Variants in INPP5A observed in about 807,000 individuals in gnomAD.
The protein encoded by INPP5A is 43 kDa inositol polyphosphate 5-phophatase.
Under a neutral mutation model 65.2 loss-of-function variants are expected in INPP5A, and 14 were observed. That is an observed-to-expected ratio of 0.21 (90% CI 0.14 to 0.34). The LOEUF (loss-of-function observed/expected upper bound fraction) is 0.34. INPP5A is among the 10% of genes least tolerant of loss of function. The pLI is 1.00. For synonymous variants in INPP5A, 207 were observed against 208.3 expected (o/e 0.99, Z 0.05); for missense variants, 431 against 545.6 (o/e 0.79, Z 2.09).
chr10:132,782,500 A>G lies in INPP5A; in HGVS notation c.*471A>G, dbSNP rs2134701956. ...CGGCAGCGTGGCCCTGAGCATGGCA[A>G]GGGGGTCTGTCTCTGCCGATGCTCC... On this transcript the variant is annotated 3_prime_UTR_variant, in exon 16 of 16. Coordinates refer to ENST00000368594, the MANE Select transcript of INPP5A (RefSeq NM_005539.5). The surrounding 1 kb of genome is among the most constrained non-coding windows in gnomAD (Gnocchi z 4.4). The G allele has an allele frequency of 5.3e-6, 1 of 187,052 alleles. No homozygotes were observed. Among genetic ancestry groups the G allele is most frequent in the Admixed American group, 5.3e-5 (1 of 18,720 alleles). The allele number at this position is 187,052 out of a possible 1,614,324, so 11.6% of individuals were successfully genotyped here. A position where few individuals can be genotyped will look rare whatever the true frequency, so the allele number is the denominator to read the frequency against.
chr10:132,771,933 GGGAC>G (rs1454883400), intron 12 of INPP5A, among the ~76,000 whole-genome samples: 1 of 24,434 alleles, frequency 4.1e-5, no homozygotes, highest in African/African-American at 2.4e-4. Flanking sequence ...GATGAAGAGT[GGGAC>G]GGACACTCAG....
intron 11 of INPP5A, among the ~76,000 whole-genome samples, chr10:132,757,867 C>T (rs1229301911): frequency 6.7e-6 from 1 of 148,928 alleles, no homozygotes; most frequent in Non-Finnish European, 1.5e-5. Flanking sequence ...CCCCACAACA[C>T]AGTGCCGTGG....
intron 8 of INPP5A, among the ~76,000 whole-genome samples, chr10:132,721,232 T>TCTGTGGTGC (rs1218482733): frequency 6.7e-6 from 1 of 150,092 alleles, no homozygotes; most frequent in Non-Finnish European, 1.5e-5. Context: ...TCTTCAGGGT[T>TCTGTGGTGC]CTGTGGTGCC....
chr10:132,555,179 T>G lies in INPP5A; in HGVS notation c.75+17008T>G, dbSNP rs1590825386. On this transcript the variant is annotated intron_variant, in intron 1 of 15. Coordinates refer to ENST00000368594, the MANE Select transcript of INPP5A (RefSeq NM_005539.5). This position sits in a 1 kb window ranked among gnomAD's most constrained non-coding sequence, Gnocchi z 4.4. ...TAGATGGCATGGTGGGGTGGGGGGGTGTGGATGGCAAGCGGCAGGACCAGG... is the reference window on the plus strand; with the variant it reads ...TAGATGGCATGGTGGGGTGGGGGGGGGTGGATGGCAAGCGGCAGGACCAGG... Among the ~76,000 whole-genome samples the G allele has an allele frequency of 3.5e-5, 5 of 140,990 alleles. No homozygotes were observed. The highest frequency in any genetic ancestry group is 2.2e-4 in the East Asian group (1 of 4,462). 92.5% of individuals were successfully genotyped at this position (140,990 alleles called of 152,430 possible).
chr10:132,638,922 A>C (rs1032343710), intron 2 of INPP5A, among the ~76,000 whole-genome samples: 1 of 152,140 alleles, frequency 6.6e-6, no homozygotes, highest in Non-Finnish European at 1.5e-5. Context: ...TTTTCTCTCT[A>C]TATAAGTTAC....
At chr10:132,700,278 C>T (rs1845416185) in intron 6 of INPP5A, among the ~76,000 whole-genome samples, 3 of 152,224 alleles carry the variant, frequency 2.0e-5, no homozygotes, top group South Asian at 2.1e-4. Flanking sequence ...TCGCTGTCTG[C>T]GGCCTGGTGG....
intron 12 of INPP5A, among the ~76,000 whole-genome samples, chr10:132,772,450 A>T (rs113782644): frequency 8.7e-6 from 1 of 114,562 alleles, no homozygotes; most frequent in African/African-American, 3.1e-5. Context: ...CACAGAGGCC[A>T]CGGCAGCCAC....
At chr10:132,733,496 A>G (rs1002219244) in intron 9 of INPP5A, among the ~76,000 whole-genome samples, 2 of 152,236 alleles carry the variant, frequency 1.3e-5, no homozygotes, top group African/African-American at 2.4e-5. Flanking sequence ...ATTTTAAAAT[A>G]CCATCCAAGC....
Position 132,546,920 on chromosome 10 carries a change from C to T in INPP5A, c.75+8749C>T, listed in dbSNP as rs541126345. On this transcript the variant is annotated intron_variant, in intron 1 of 15. Coordinates refer to ENST00000368594, the MANE Select transcript of INPP5A (RefSeq NM_005539.5). This position sits in a 1 kb window ranked among gnomAD's most constrained non-coding sequence, Gnocchi z 5.7. ...AGACTCTGTTTCCTGCTCAGCAGAG[C>T]CCAGGCCTGGCCCTGGTTAGCAGGC... Among the ~76,000 whole-genome samples the T allele has an allele frequency of 1.1e-3, 162 of 152,330 alleles. 1 individual carries two copies. Among genetic ancestry groups the T allele is most frequent in the African/African-American group, 3.7e-3 (153 of 41,566 alleles).
chr10:132,733,345 T>C (rs1052701170), intron 9 of INPP5A, among the ~76,000 whole-genome samples: 1 of 152,220 alleles, frequency 6.6e-6, no homozygotes, highest in African/African-American at 2.4e-5. Context: ...TGCCACGTGG[T>C]CCACTGAACA....
chr10:132,718,269 A>G (rs1416871209), intron 8 of INPP5A, among the ~76,000 whole-genome samples: 2 of 112,874 alleles, frequency 1.8e-5, no homozygotes, highest in Non-Finnish European at 1.8e-5. Flanking sequence ...GTTCTGTGGT[A>G]CCTGGGTTCT....
rs897379631 is a variant in INPP5A, at chr10:132,703,049, C to T, written c.474+5130C>T. Among the ~76,000 whole-genome samples, 5 of 152,166 alleles carry T rather than the reference C, an allele frequency of 3.3e-5. 1 individual carries two copies. The highest frequency in any genetic ancestry group is 7.4e-5 in the Non-Finnish European group (5 of 68,008). On this transcript the variant is annotated intron_variant, in intron 6 of 15. Coordinates refer to ENST00000368594, the MANE Select transcript of INPP5A (RefSeq NM_005539.5). Reference sequence around the variant, plus strand: ...ACCGGGGTTGGGACTCCCCTCCCTCCCGTTGGGTGCCCCCCACCCTTCGGA... The same window carrying T: ...ACCGGGGTTGGGACTCCCCTCCCTCTCGTTGGGTGCCCCCCACCCTTCGGA...
intron 1 of INPP5A, among the ~76,000 whole-genome samples, chr10:132,596,917 GTGTGCGCGCA>G (rs748459393): frequency 2.4e-4 from 20 of 84,574 alleles, no homozygotes; most frequent in South Asian, 3.9e-4. Flanking sequence ...ATGTGTGCAT[GTGTGCGCGCA>G]TGTGCACGCA....
At chr10:132,655,151 G>T (rs2072637349) in intron 4 of INPP5A, among the ~76,000 whole-genome samples, 1 of 152,230 alleles carries the variant, frequency 6.6e-6, no homozygotes, top group African/African-American at 2.4e-5. Flanking sequence ...TGGAAAAGTG[G>T]CGAGAGCCAG....
chr10:132,773,805 C>T (rs1185945071), intron 12 of INPP5A, among the ~76,000 whole-genome samples: 1 of 152,214 alleles, frequency 6.6e-6, no homozygotes, highest in Non-Finnish European at 1.5e-5. Context: ...GCTCTGTTGC[C>T]CGGGCTGGAG....
intron 11 of INPP5A, among the ~76,000 whole-genome samples, chr10:132,750,783 G>A (rs1028560296): frequency 7.2e-5 from 11 of 152,236 alleles, no homozygotes; most frequent in Middle Eastern, 3.4e-3. Context: ...GCGCTCCCGA[G>A]CCAGCTATGG....
intron 6 of INPP5A, among the ~76,000 whole-genome samples, chr10:132,703,510 CACA>C (rs1845472552): frequency 6.8e-6 from 1 of 147,750 alleles, no homozygotes; most frequent in African/African-American, 2.5e-5. Context: ...TTCACCCACA[CACA>C]CACACACACA....
At chr10:132,654,323 G>A (rs972570250) in intron 4 of INPP5A, among the ~76,000 whole-genome samples, 1 of 152,250 alleles carries the variant, frequency 6.6e-6, no homozygotes, top group African/African-American at 2.4e-5. Context: ...GTGGATGGTG[G>A]AGGGCAGCCT....
At chr10:132,580,393 TTTC>T (rs781292418) in intron 1 of INPP5A, among the ~76,000 whole-genome samples, 2 of 152,176 alleles carry the variant, frequency 1.3e-5, no homozygotes, top group Admixed American at 6.5e-5. Flanking sequence ...TAAGGCGTGC[TTTC>T]TTCTTCTTCA....
Sources: allele counts gnomAD v4.1 joint callset (sites outside exome capture counted in the v4.1 genomes callset), GRCh38; gene constraint gnomAD v4.1.1; non-coding constraint Gnocchi (gnomAD v3.1); transcripts MANE v1.5; gene names NCBI Gene and HGNC (gene_info 2026-07-23, HGNC 2026-07-21).